CBLN2: variants seen among roughly 807,000 people sequenced by gnomAD.
The protein encoded by CBLN2 is cerebellin-2.
Under a neutral mutation model 15.0 loss-of-function variants are expected in CBLN2, and 7 were observed. The ratio of observed to expected loss-of-function variants is 0.47; its 90% CI spans 0.27 to 0.88. The LOEUF is 0.88. CBLN2 is among the 40% of genes least tolerant of loss of function. The probability of loss-of-function intolerance (pLI) is 0.14; values close to 1 mark genes in which losing one functional copy is unlikely to be tolerated. For synonymous variants in CBLN2, 149 were observed against 135.2 expected (o/e 1.10, Z -0.71); for missense variants, 242 against 304.5 (o/e 0.79, Z 1.53).
chr18:72,585,502 G>T (rs994726151), intron 1 of CBLN2, among the ~76,000 whole-genome samples: 10 of 152,128 alleles, frequency 6.6e-5, no homozygotes, highest in South Asian at 4.1e-4. Flanking sequence ...CCACAGGAAG[G>T]TCATCCCATC....
At chr18:72,624,202 T>C in intron 1 of CBLN2, among the ~76,000 whole-genome samples, 1 of 145,332 alleles carries the variant, frequency 6.9e-6, no homozygotes, top group East Asian at 2.0e-4. Flanking sequence ...AACCCCTTCT[T>C]TTTTTTTTTT....
In CBLN2 at chr18:72,599,162, A is replaced by G. The variant is rs151083837; in HGVS notation, c.15+39163T>C. On this transcript the variant is annotated intron_variant, in intron 1 of 2. Transcript: ENST00000581073. Reference sequence around the variant, plus strand: ...CTTCCCCCTCACTTTTAATTTTTTTAAACTCAAAGCTATCAATAAATTTTC... The same window carrying G: ...CTTCCCCCTCACTTTTAATTTTTTTGAACTCAAAGCTATCAATAAATTTTC... 1.0e-3 allele frequency among the ~76,000 whole-genome samples: 158 copies of G among 152,272 alleles called. 2 individuals carry two copies. The East Asian group carries it at 0.025, about 24-fold the overall frequency.
At chr18:72,578,338 A>T (rs1228032691) in intron 1 of CBLN2, among the ~76,000 whole-genome samples, 2 of 152,238 alleles carry the variant, frequency 1.3e-5, no homozygotes, top group Admixed American at 1.3e-4. Context: ...CTTAATTTGT[A>T]TTCAAAGATA....
chr18:72,555,250 C>T (rs1239834404), intron 1 of CBLN2, among the ~76,000 whole-genome samples: 1 of 152,130 alleles, frequency 6.6e-6, no homozygotes, highest in African/African-American at 2.4e-5. Flanking sequence ...AAGGTGCCCT[C>T]GGCTGGAAAG....
In CBLN2 at chr18:72,541,680, A is replaced by G; in HGVS notation, c.357+124T>C. 6.0e-6 allele frequency: 4 copies of G among 668,496 alleles called. No individual in the cohort carries two copies. In the Admixed American group the frequency reaches 9.9e-5, roughly 17 times the overall value. 41.4% of individuals were successfully genotyped at this position (668,496 alleles called of 1,614,324 possible). A position where few individuals can be genotyped will look rare whatever the true frequency, so the allele number is the denominator to read the frequency against. ...ATGAAACGGGAGGAAAGAGACTAGCAGGGCAGAGGGGGAGGACAGAGCCTG... is the reference window on the plus strand; with the variant it reads ...ATGAAACGGGAGGAAAGAGACTAGCGGGGCAGAGGGGGAGGACAGAGCCTG... On this transcript the variant is annotated intron_variant, in intron 3 of 4. Coordinates refer to ENST00000269503, the MANE Select transcript of CBLN2 (RefSeq NM_182511.4).
At chr18:72,632,800 A>G (rs1336473303) in intron 1 of CBLN2, among the ~76,000 whole-genome samples, 1 of 152,236 alleles carries the variant, frequency 6.6e-6, no homozygotes, top group Non-Finnish European at 1.5e-5. Context: ...TTGCCCATGC[A>G]GATCAAGAGC....
At chr18:72,571,384 G>A (rs1227500382) in intron 1 of CBLN2, among the ~76,000 whole-genome samples, 2 of 152,104 alleles carry the variant, frequency 1.3e-5, no homozygotes, top group South Asian at 4.1e-4. Context: ...CAAACTGATT[G>A]GTGACAGATG....
At chr18:72,541,740 C>T (rs558181496) in intron 3 of CBLN2, 64 bp downstream of exon 3, 13 of 1,368,408 alleles carry the variant, frequency 9.5e-6, no homozygotes, top group Non-Finnish European at 1.2e-5. Flanking sequence ...AACCCCAGCC[C>T]GCGCGCGCAG....
intron 1 of CBLN2, among the ~76,000 whole-genome samples, chr18:72,561,238 C>CA: frequency 1.9e-5 from 1 of 53,534 alleles, no homozygotes; most frequent in Admixed American, 3.1e-4. Flanking sequence ...ATAAAAACAA[C>CA]AACCCAAAAA....
At chr18:72,615,460 G>T (rs1037509764) in intron 1 of CBLN2, among the ~76,000 whole-genome samples, 1 of 151,308 alleles carries the variant, frequency 6.6e-6, no homozygotes, top group Non-Finnish European at 1.5e-5. Flanking sequence ...ATTTTTAGTA[G>T]AGAAGGGGTT....
rs1599003966 is a variant in CBLN2, at chr18:72,570,330, T to A, written c.16-31558A>T. ...GCGGCTTACTGCAGTCTTTACCTCCTGGGCTCAGGCAATATGCCCACCTCA... is the reference window on the plus strand; with the variant it reads ...GCGGCTTACTGCAGTCTTTACCTCCAGGGCTCAGGCAATATGCCCACCTCA... On this transcript the variant is annotated intron_variant, in intron 1 of 2. Transcript: ENST00000581073. 2.7e-5 allele frequency among the ~76,000 whole-genome samples: 4 copies of A among 148,048 alleles called. 1 individual carries two copies. In the Admixed American group the frequency reaches 2.7e-4, roughly 10 times the overall value.
At chr18:72,597,778 C>T (rs1488218633) in intron 1 of CBLN2, among the ~76,000 whole-genome samples, 4 of 152,214 alleles carry the variant, frequency 2.6e-5, no homozygotes, top group Admixed American at 1.3e-4. Flanking sequence ...TGCACTCCTC[C>T]TTCTCCTTTA....
chr18:72,560,007 C>G (rs1376467261), intron 1 of CBLN2, among the ~76,000 whole-genome samples: 1 of 152,194 alleles, frequency 6.6e-6, no homozygotes, highest in Non-Finnish European at 1.5e-5. Context: ...AATATCAGCT[C>G]TCTTCTCACT....
At chr18:72,551,574 C>T (rs1176274442) in intron 1 of CBLN2, among the ~76,000 whole-genome samples, 1 of 152,126 alleles carries the variant, frequency 6.6e-6, no homozygotes, top group East Asian at 1.9e-4. Context: ...TGAACACACC[C>T]CATCACTGAA....
chr18:72,571,908 C>A (rs1156761990), intron 1 of CBLN2, among the ~76,000 whole-genome samples: 2 of 152,054 alleles, frequency 1.3e-5, no homozygotes, highest in African/African-American at 4.8e-5. Context: ...ATATCAAAAC[C>A]AGGAATAACC....
rs72634431 is a variant in CBLN2 at position 72,542,403 on chromosome 18, C to T, written c.-166-77G>A. On this transcript the variant is annotated intron_variant, in intron 2 of 4. Transcript: ENST00000269503. ...AAGAAGGGGGACTGGGAGCAGGTGC[C>T]TGCGGCTCGGGGGTTCTCCCCGAAG... 0.049 allele frequency: 11,540 copies of T among 235,298 alleles called. 1,224 individuals carry two copies. Among genetic ancestry groups the T allele is most frequent in the East Asian group, 0.48 (4,072 of 8,528 alleles). The allele number at this position is 235,298 out of a possible 1,614,324, so 14.6% of individuals were successfully genotyped here.
chr18:72,547,310 A>G (rs1188880880), upstream of CBLN2, among the ~76,000 whole-genome samples: 1 of 152,164 alleles, frequency 6.6e-6, no homozygotes, highest in Admixed American at 6.5e-5. Context: ...CGCACACACG[A>G]ACAAAGAGAG....
intron 1 of CBLN2, among the ~76,000 whole-genome samples, chr18:72,583,386 C>A (rs191533629): frequency 1.3e-5 from 2 of 152,088 alleles, no homozygotes; most frequent in South Asian, 2.1e-4. Flanking sequence ...CTCTCACCCA[C>A]GCCCAGTCCC....
intron 1 of CBLN2, among the ~76,000 whole-genome samples, chr18:72,593,462 T>A (rs1404026717): frequency 6.6e-6 from 1 of 152,170 alleles, no homozygotes; most frequent in African/African-American, 2.4e-5. Flanking sequence ...CAAAAAAGTA[T>A]AATTTGACTT....
Sources: gnomAD v4.1 joint callset for allele counts (sites outside exome capture counted in the v4.1 genomes callset) on GRCh38, gnomAD v4.1.1 for gene constraint, MANE v1.5 for transcripts, NCBI Gene and HGNC (gene_info 2026-07-23, HGNC 2026-07-21) for gene names.